Variants in PARG observed in about 807,000 individuals in gnomAD.
The protein encoded by PARG is mitochondrial poly(ADP-ribose) glycohydrolase.
Under a neutral mutation model 113.0 loss-of-function variants are expected in PARG, and 35 were observed. The observed-to-expected ratio is 0.31, with a 90% CI of 0.24 to 0.41. The LOEUF (loss-of-function observed/expected upper bound fraction) is 0.41, where lower values mean the gene tolerates loss of function less well. Among genes scored for constraint, PARG ranks in the 10% least tolerant of loss-of-function variants. The pLI, the probability that PARG is intolerant of heterozygous loss-of-function variation, is 1.00. For missense variants in PARG, 797 were observed against 1,169.4 expected, an observed-to-expected ratio of 0.68 and a Z score of 4.64; for synonymous variants, 330 against 409.9, an observed-to-expected ratio of 0.81 and a Z score of 2.36.
At chr10:49,840,078 A>G (rs1845148823) in intron 15 of PARG, among the ~76,000 whole-genome samples, 1 of 152,244 alleles carries the variant, frequency 6.6e-6, no homozygotes, top group Non-Finnish European at 1.5e-5. Context: ...TTTAAAATGT[A>G]TCCAATTACT....
rs543418384 is a variant in PARG at position 49,847,043 on chromosome 10, T to C, written c.2354-3411A>G. On this transcript the variant is annotated intron_variant, in intron 13 of 17. Coordinates refer to ENST00000616448, the MANE Select transcript of PARG (RefSeq NM_003631.5). ...TTTAGCACCAAACAGAAAATAGCAA[T>C]GGATCATAATCCACTGAATACAATA... Among the ~76,000 whole-genome samples, 7 of 151,502 alleles carry C rather than the reference T, an allele frequency of 4.6e-5. No individual in the cohort carries two copies. The South Asian group carries it at 1.5e-3, about 32-fold the overall frequency.
chr10:49,904,368 C>T (rs1848478332), intron 7 of PARG, among the ~76,000 whole-genome samples: 1 of 149,596 alleles, frequency 6.7e-6, no homozygotes, highest in Non-Finnish European at 1.5e-5. Context: ...TGAAAGTTCT[C>T]ACTATGTTAA....
At chr10:49,882,135 A>G (rs1250699397) in intron 8 of PARG, among the ~76,000 whole-genome samples, 1 of 151,042 alleles carries the variant, frequency 6.6e-6, no homozygotes, top group African/African-American at 2.5e-5. Context: ...AATAGAGTTA[A>G]TGATTTCTCC....
At chr10:49,830,753 G>A (rs1844616803) in intron 16 of PARG, among the ~76,000 whole-genome samples, 1 of 152,082 alleles carries the variant, frequency 6.6e-6, no homozygotes, top group African/African-American at 2.4e-5. Context: ...GTTCATGTGA[G>A]GAAGACAATG....
intron 8 of PARG, among the ~76,000 whole-genome samples, chr10:49,884,510 A>G (rs1181428144): frequency 6.6e-6 from 1 of 152,194 alleles, no homozygotes; most frequent in African/African-American, 2.4e-5. Flanking sequence ...GAGGCACAAG[A>G]ATTGCTTGAA....
At chr10:49,913,333 C>G (rs1321137790) in intron 7 of PARG, among the ~76,000 whole-genome samples, 1 of 152,216 alleles carries the variant, frequency 6.6e-6, no homozygotes, top group African/African-American at 2.4e-5. Context: ...AAGCTTTACA[C>G]AAATTTCCTC....
intron 7 of PARG, among the ~76,000 whole-genome samples, chr10:49,913,719 A>G (rs1837319019): frequency 1.3e-5 from 2 of 152,272 alleles, no homozygotes; most frequent in East Asian, 3.9e-4. Flanking sequence ...CCTGGCCAAC[A>G]TGGCAAAACC....
At position 49,878,533 on chromosome 10, in the gene PARG, G is replaced by A. The variant is rs1191732936; in HGVS notation, c.1988+1140C>T. Among the ~76,000 whole-genome samples, 137 of 146,532 alleles carry A rather than the reference G, an allele frequency of 9.3e-4. 2 individuals carry two copies. Among genetic ancestry groups the A allele is most frequent in the East Asian group, 8.1e-4 (4 of 4,908 alleles). ...CTCAGGAGGCTGAGAAAGGAGAATC[G>A]CTTGAACCCGGGAGGTGGAGGTTTC... On this transcript the variant is annotated intron_variant, in intron 9 of 17. Transcript: ENST00000616448.
rs1844740564 is a variant in PARG at position 49,832,914 on chromosome 10, G to A, written c.2542-6C>T. On this transcript the variant is annotated splice_region_variant and splice_polypyrimidine_tract_variant and intron_variant, in intron 15 of 17. Coordinates refer to ENST00000616448, the MANE Select transcript of PARG (RefSeq NM_003631.5). ...CGGAGAAATCCACAGTAAGCCTGCA[G>A]GATAAAAGAATTATCAAAGCCTGTG... 2 of 1,494,580 alleles carry A rather than the reference G, an allele frequency of 1.3e-6. No homozygotes were observed. The highest frequency in any genetic ancestry group is 2.0e-5 in the Admixed American group (1 of 50,216). The allele number at this position is 1,494,580 out of a possible 1,614,324, so 92.6% of individuals were successfully genotyped here. A position where few individuals can be genotyped will look rare whatever the true frequency, so the allele number is the denominator to read the frequency against.
intron 13 of PARG, among the ~76,000 whole-genome samples, chr10:49,852,425 G>C (rs1845796817): frequency 6.6e-6 from 1 of 150,668 alleles, no homozygotes; most frequent in African/African-American, 2.4e-5. Context: ...TTTTAGACTG[G>C]GGACAAATTA....
chr10:49,937,432 C>T (rs1396511940), intron 1 of PARG, among the ~76,000 whole-genome samples: 1 of 150,958 alleles, frequency 6.6e-6, no homozygotes, highest in Non-Finnish European at 1.5e-5. Flanking sequence ...GCGGAGATCG[C>T]GCCACTGCAC....
chr10:49,889,094 T>C (rs1554840989), intron 7 of PARG, among the ~76,000 whole-genome samples: 1 of 151,870 alleles, frequency 6.6e-6, no homozygotes, highest in Non-Finnish European at 1.5e-5. Context: ...CTTTCTGTTT[T>C]TTTCATTTGT....
At chr10:49,851,726 C>T (rs1174449706) in intron 13 of PARG, among the ~76,000 whole-genome samples, 1 of 145,104 alleles carries the variant, frequency 6.9e-6, no homozygotes, top group South Asian at 2.2e-4. Context: ...AAACTTAACA[C>T]CCTTTAGTAT....
chr10:49,934,805 C>T (rs1482318724), intron 2 of PARG, among the ~76,000 whole-genome samples: 68 of 151,466 alleles, frequency 4.5e-4, no homozygotes, highest in Non-Finnish European at 2.4e-4. Flanking sequence ...GCCGAGATCA[C>T]GCCACTACAC....
At chr10:49,901,471 A>T (rs1554843767) in intron 7 of PARG, among the ~76,000 whole-genome samples, 2 of 150,614 alleles carry the variant, frequency 1.3e-5, no homozygotes, top group African/African-American at 4.9e-5. Flanking sequence ...CGCTATTATA[A>T]AATGTGCCAT....
Position 49,940,703 on chromosome 10 carries a change from T to G in PARG, c.217+806A>C, listed in dbSNP as rs1336078349. Among the ~76,000 whole-genome samples the G allele has an allele frequency of 2.0e-5, 3 of 152,250 alleles. No individual in the cohort carries two copies. The South Asian group carries it at 6.2e-4, about 32-fold the overall frequency. On this transcript the variant is annotated intron_variant, in intron 1 of 17. Transcript: ENST00000616448. Reference sequence around the variant, plus strand: ...CACCACGCTAGGCTAATTTTTTGTATTTTTAGCAGAGACGGGGTTTCACCA... The same window carrying G: ...CACCACGCTAGGCTAATTTTTTGTAGTTTTAGCAGAGACGGGGTTTCACCA...
intron 7 of PARG, among the ~76,000 whole-genome samples, chr10:49,891,632 T>A (rs1473328472): frequency 1.3e-4 from 16 of 119,630 alleles, no homozygotes; most frequent in Admixed American, 4.7e-4. Flanking sequence ...TATTTTTTTT[T>A]TTTTTTTTTT....
intron 10 of PARG, among the ~76,000 whole-genome samples, chr10:49,865,713 A>T (rs191877615): frequency 0.19 from 27,791 of 144,890 alleles, 3,021 homozygotes; most frequent in Middle Eastern, 0.28. Context: ...ACTTTTTTTT[A>T]AAAAAAAAAG....
At chr10:49,893,205 G>A (rs1462537514) in intron 7 of PARG, among the ~76,000 whole-genome samples, 3 of 152,052 alleles carry the variant, frequency 2.0e-5, no homozygotes, top group African/African-American at 4.8e-5. Flanking sequence ...CAACAACAAA[G>A]TATGAGAGTT....
Sources: gnomAD v4.1 joint callset for allele counts (sites outside exome capture counted in the v4.1 genomes callset) on GRCh38, gnomAD v4.1.1 for gene constraint, MANE v1.5 for transcripts, NCBI Gene and HGNC (gene_info 2026-07-23, HGNC 2026-07-21) for gene names.